Variants in NBEA observed in about 807,000 individuals in gnomAD.
NBEA encodes lysosomal-trafficking regulator 2.
A neutral mutation model predicts 343.4 loss-of-function variants in NBEA; 44 were observed. That is an observed-to-expected ratio of 0.13 (90% CI 0.10 to 0.16). The LOEUF is 0.16. Ranked by LOEUF, NBEA falls within the 10% of genes least tolerant of loss-of-function variation. NBEA has a pLI of 1.00. For missense variants in NBEA, 2,555 were observed against 3,631.3 expected (o/e 0.70, Z 7.62); for synonymous variants, 1,175 against 1,238.7 (o/e 0.95, Z 1.08).
chr13:35,412,220 T>C (rs2043629715), intron 38 of NBEA, among the ~76,000 whole-genome samples: 2 of 152,168 alleles, frequency 1.3e-5, no homozygotes, highest in African/African-American at 4.8e-5. Context: ...CACACATGCA[T>C]GCACAAACCC....
In NBEA at chr13:35,416,992, C is replaced by T. The variant is rs149496061; in HGVS notation, c.6180-15277C>T. On this transcript the variant is annotated intron_variant, in intron 38 of 58. Coordinates refer to ENST00000379939, the MANE Select transcript of NBEA (RefSeq NM_001385012.1). ...GGGTGTATGTGTTCAGGAATTTATC[C>T]GTTTCTTCTAGATTTTCTAGTTTAT... Among the ~76,000 whole-genome samples, 8 of 152,182 alleles carry T rather than the reference C, an allele frequency of 5.3e-5. No homozygotes were observed. The East Asian group carries it at 7.7e-4, about 15-fold the overall frequency.
At chr13:35,343,663 G>A (rs1269336658) in intron 36 of NBEA, among the ~76,000 whole-genome samples, 2 of 152,106 alleles carry the variant, frequency 1.3e-5, no homozygotes, top group African/African-American at 2.4e-5. Context: ...TGTCAGATCA[G>A]TGGCAGTATT....
rs1198739418 is a variant in NBEA, at chr13:34,942,757, C to A, written c.-64C>A. ...GACGGCCGGGGGGCGGGGGCCGAGGCAGGTATAACGGTACCGGCGGCGGCA... is the reference window on the plus strand; with the variant it reads ...GACGGCCGGGGGGCGGGGGCCGAGGAAGGTATAACGGTACCGGCGGCGGCA... On this transcript the variant is annotated 5_prime_UTR_variant, in exon 1 of 59. Transcript: ENST00000379939. 60 of 1,220,068 alleles carry A rather than the reference C, an allele frequency of 4.9e-5. No homozygotes were observed. Among genetic ancestry groups the A allele is most frequent in the Non-Finnish European group, 6.0e-5 (58 of 970,348 alleles). The allele number at this position is 1,220,068 out of a possible 1,614,324, so 75.6% of individuals were successfully genotyped here. A position where few individuals can be genotyped will look rare whatever the true frequency, so the allele number is the denominator to read the frequency against.
chr13:35,385,390 T>A (rs1463609443), intron 38 of NBEA, among the ~76,000 whole-genome samples: 2 of 152,182 alleles, frequency 1.3e-5, no homozygotes, highest in Admixed American at 1.3e-4. Flanking sequence ...AAGAAATTAA[T>A]ATTTTATTTT....
At chr13:35,458,605 C>T (rs902916298) in intron 40 of NBEA, among the ~76,000 whole-genome samples, 5 of 152,068 alleles carry the variant, frequency 3.3e-5, no homozygotes, top group African/African-American at 4.8e-5. Flanking sequence ...TTCAATAGCT[C>T]ATAATAAGTT....
At chr13:35,318,695 C>A (rs1286326932) in intron 36 of NBEA, among the ~76,000 whole-genome samples, 1 of 152,118 alleles carries the variant, frequency 6.6e-6, no homozygotes, top group African/African-American at 2.4e-5. Context: ...CCTCTTTGTA[C>A]CTCTGGTAGA....
At chr13:34,975,731 GAAA>G (rs200056183) in intron 1 of NBEA, among the ~76,000 whole-genome samples, 1 of 147,546 alleles carries the variant, frequency 6.8e-6, no homozygotes, top group Non-Finnish European at 1.5e-5. Flanking sequence ...AAATCAGCAA[GAAA>G]AAAAAAATCC....
intron 38 of NBEA, among the ~76,000 whole-genome samples, chr13:35,416,141 T>A (rs938457840): frequency 6.6e-6 from 1 of 152,112 alleles, no homozygotes; most frequent in African/African-American, 2.4e-5. Context: ...TGGGCTGAGA[T>A]GATGGGGTTT....
chr13:35,556,174 A>G (rs1395754842), intron 44 of NBEA, among the ~76,000 whole-genome samples: 1 of 151,886 alleles, frequency 6.6e-6, no homozygotes, highest in Non-Finnish European at 1.5e-5. Context: ...TCTTGAATAA[A>G]CCTGTTTACT....
chr13:35,329,398 G>A (rs1056384185), intron 36 of NBEA, among the ~76,000 whole-genome samples: 7 of 151,874 alleles, frequency 4.6e-5, no homozygotes, highest in South Asian at 2.1e-4. Flanking sequence ...GTGAATATTC[G>A]TAGCAGTTTT....
At chr13:35,505,045 A>G (rs1303717496) in intron 41 of NBEA, among the ~76,000 whole-genome samples, 1 of 152,032 alleles carries the variant, frequency 6.6e-6, no homozygotes, top group African/African-American at 2.4e-5. Flanking sequence ...AGTAAATATT[A>G]TAAAATATAT....
At chr13:35,312,438 C>G (rs1296040604) in intron 36 of NBEA, among the ~76,000 whole-genome samples, 1 of 152,206 alleles carries the variant, frequency 6.6e-6, no homozygotes, top group Non-Finnish European at 1.5e-5. Context: ...TACTGGAGAG[C>G]TATTTCCAGT....
At chr13:35,558,605 G>A (rs138015381) in intron 44 of NBEA, among the ~76,000 whole-genome samples, 7 of 152,156 alleles carry the variant, frequency 4.6e-5, no homozygotes, top group Non-Finnish European at 1.0e-4. Context: ...TCAAAGTGTA[G>A]TCCCCTGACC....
At chr13:35,110,052 A>AATTTTTTTTTTTTTTTTTTTTTT (rs1566299514) in intron 12 of NBEA, among the ~76,000 whole-genome samples, 2 of 89,234 alleles carry the variant, frequency 2.2e-5, no homozygotes, top group East Asian at 2.3e-4. Context: ...TTTTTTTTTT[A>AATTTTTTTTTTTTTTTTTTTTTT]AATGTTTTTT....
At chr13:35,580,030 A>G (rs1381243187) in intron 45 of NBEA, among the ~76,000 whole-genome samples, 3 of 152,156 alleles carry the variant, frequency 2.0e-5, no homozygotes, top group African/African-American at 7.2e-5. Flanking sequence ...TGATTCTTCA[A>G]TATTGGAAAC....
chr13:35,178,921 A>T (rs2071112583), intron 28 of NBEA, among the ~76,000 whole-genome samples: 1 of 151,552 alleles, frequency 6.6e-6, no homozygotes, highest in Non-Finnish European at 1.5e-5. Flanking sequence ...TGAATGATTA[A>T]AAACATGGAG....
At chr13:35,541,468 G>T (rs1450053648) in intron 41 of NBEA, among the ~76,000 whole-genome samples, 1 of 151,914 alleles carries the variant, frequency 6.6e-6, no homozygotes, top group Non-Finnish European at 1.5e-5. Flanking sequence ...CCTAATTATG[G>T]GCTGTTTATA....
chr13:35,385,481 T>A (rs531489964), intron 38 of NBEA, among the ~76,000 whole-genome samples: 221 of 152,206 alleles, frequency 1.5e-3, no homozygotes, highest in African/African-American at 5.2e-3. Context: ...GGACAATCAC[T>A]GGAAGCCAGA....
At chr13:35,204,340 G>A (rs1371263316) in intron 31 of NBEA, among the ~76,000 whole-genome samples, 1 of 152,148 alleles carries the variant, frequency 6.6e-6, no homozygotes, top group Non-Finnish European at 1.5e-5. Context: ...TGGACTTACA[G>A]TTCCACATGG....
Sources: allele counts gnomAD v4.1 joint callset (sites outside exome capture counted in the v4.1 genomes callset), GRCh38; gene constraint gnomAD v4.1.1; transcripts MANE v1.5; gene names NCBI Gene and HGNC (gene_info 2026-07-23, HGNC 2026-07-21).